The following BAIAP2 variants were observed in gnomAD, a reference collection of about 807,000 sequenced individuals.
BAIAP2 encodes BAR/IMD domain containing adaptor protein 2.
In BAIAP2, 18 loss-of-function variants were observed where a neutral mutation model predicts 63.0. The observed-to-expected ratio is 0.29, with a 90% CI of 0.20 to 0.42. BAIAP2 has a LOEUF of 0.42. BAIAP2 is among the 10% of genes least tolerant of loss of function. The probability of loss-of-function intolerance (pLI) is 1.00; values close to 1 mark genes in which losing one functional copy is unlikely to be tolerated. For synonymous variants in BAIAP2, 386 were observed against 307.6 expected (o/e 1.25, Z -2.67); for missense variants, 610 against 734.3 (o/e 0.83, Z 1.96).
At chr17:81,062,441 A>G (rs1443807872) in intron 3 of BAIAP2, among the ~76,000 whole-genome samples, 1 of 151,532 alleles carries the variant, frequency 6.6e-6, no homozygotes, top group Non-Finnish European at 1.5e-5. Context: ...GGTTCGCTTC[A>G]TTTTCAATGC....
At chr17:81,086,623 G>A in intron 6 of BAIAP2, 43 bp downstream of exon 6, 6 of 1,608,880 alleles carry the variant, frequency 3.7e-6, no homozygotes, top group Non-Finnish European at 4.2e-6. Flanking sequence ...CTGCCACCTT[G>A]GGACTGCTCA....
chr17:81,069,094 TG>T (rs2052065410), intron 3 of BAIAP2, among the ~76,000 whole-genome samples: 1 of 152,192 alleles, frequency 6.6e-6, no homozygotes, highest in Non-Finnish European at 1.5e-5. Flanking sequence ...GTCCCCACTG[TG>T]CTTGTTTGTT....
chr17:81,038,051 C>T (rs1387517895), intron 1 of BAIAP2, among the ~76,000 whole-genome samples: 1 of 152,226 alleles, frequency 6.6e-6, no homozygotes, highest in East Asian at 1.9e-4. Context: ...TCTGGGGGCA[C>T]TGCGTGGGCT....
In BAIAP2 at chr17:81,035,291, A is replaced by T; in HGVS notation, c.37A>T (p.Thr13Ser). 1 of 1,510,562 alleles carries T rather than the reference A, an allele frequency of 6.6e-7. No individual in the cohort carries two copies. Among genetic ancestry groups the T allele is most frequent in the Non-Finnish European group, 8.9e-7 (1 of 1,124,884 alleles). 93.6% of individuals were successfully genotyped at this position (1,510,562 alleles called of 1,614,324 possible). ...TCGCTCAGAGGAGATGCACCGGCTC[A>T]CGGAAAATGTCTATAAGGTGAGCGC... is the stretch of plus-strand genomic sequence containing the variant. ...LSRSEEMHRL[T>S]ENVYKTIMEQ... Residue 13 changes from threonine (T) to serine (S), a missense_variant, in exon 1 of 14, where the codon ACG becomes TCG. By Grantham distance (58) the Thr-to-Ser change is moderately conservative. This residue lies in a region of BAIAP2 where 389 missense variants were observed against 455.6 expected (regional missense o/e 0.85). Coordinates refer to ENST00000428708, the MANE Select transcript of BAIAP2 (RefSeq NM_001144888.2).
rs2046333660 is a variant in BAIAP2 at position 81,036,791 on chromosome 17, C to G, written c.54+1483C>G. 3.1e-6 allele frequency: 4 copies of G among 1,307,984 alleles called. No individual in the cohort carries two copies. The Admixed American group carries it at 6.0e-5, about 20-fold the overall frequency. 81.0% of individuals were successfully genotyped at this position (1,307,984 alleles called of 1,614,324 possible). A position where few individuals can be genotyped will look rare whatever the true frequency, so the allele number is the denominator to read the frequency against. The stretch of plus-strand genomic sequence containing the variant: ...CTGGCCTTGTTGCTCTGTGGAAGCA[C>G]ATGTTGTCAAGGGAGGGAGGTTTAT... On this transcript the variant is annotated intron_variant, in intron 1 of 13. Transcript: ENST00000428708.
At chr17:81,074,428 G>T (rs996758526) in intron 3 of BAIAP2, among the ~76,000 whole-genome samples, 4 of 113,620 alleles carry the variant, frequency 3.5e-5, no homozygotes, top group Non-Finnish European at 8.1e-5. Flanking sequence ...GTGAGTACGT[G>T]TGTGTATGCA....
chr17:81,106,809 C>T lies in BAIAP2; in HGVS notation c.1402C>T (p.Pro468Ser). ...GGACAAGGACGACCTGGCCATCCCA[C>T]CCCCCGATTACGGCGCCGCCTCCCG... ...LLDKDDLAIP[P>S]PDYGAASRAF... The change falls in exon 12 of 14, where the codon CCC (proline) becomes TCC (serine). Residue 468 changes from proline to serine, a missense_variant. Physicochemically the swap from Pro to Ser is moderately conservative, Grantham distance 74. Around this residue, in one of 5 missense-constraint regions of BAIAP2, gnomAD observed 114 missense variants for 98.2 expected, o/e 1.16. Transcript: ENST00000428708. 1.2e-6 allele frequency: 2 copies of T among 1,612,332 alleles called. No individual in the cohort carries two copies. The highest frequency in any genetic ancestry group is 1.7e-6 in the Non-Finnish European group (2 of 1,179,676).
intron 1 of BAIAP2, among the ~76,000 whole-genome samples, chr17:81,050,852 C>T (rs961484566): frequency 6.6e-6 from 1 of 150,922 alleles, no homozygotes; most frequent in African/African-American, 2.4e-5. Flanking sequence ...ATCCTCCTCA[C>T]TTGGCTGATG....
chr17:81,075,829 C>G (rs1372541402), intron 3 of BAIAP2, among the ~76,000 whole-genome samples: 1 of 152,240 alleles, frequency 6.6e-6, no homozygotes, highest in Non-Finnish European at 1.5e-5. Flanking sequence ...CCAGCCTTTG[C>G]ACTGGCCAGC....
chr17:81,069,036 C>G (rs11649702), intron 3 of BAIAP2, among the ~76,000 whole-genome samples: 1 of 151,956 alleles, frequency 6.6e-6, no homozygotes, highest in African/African-American at 2.4e-5. Context: ...CAGGGGTGAT[C>G]CCGGTGGCAG....
intron 3 of BAIAP2, among the ~76,000 whole-genome samples, chr17:81,067,545 C>A (rs753684742): frequency 1.3e-5 from 2 of 151,156 alleles, no homozygotes; most frequent in Admixed American, 6.6e-5. Flanking sequence ...GTTGCAGCCG[C>A]GGCAGCCAAG....
intron 7 of BAIAP2, among the ~76,000 whole-genome samples, chr17:81,102,582 G>A (rs1384934958): frequency 6.6e-6 from 1 of 152,206 alleles, no homozygotes; most frequent in Admixed American, 6.5e-5. Flanking sequence ...GCCAGCCCTC[G>A]GGCTGTGGTT....
At chr17:81,079,724 C>G (rs1176057704) in intron 3 of BAIAP2, among the ~76,000 whole-genome samples, 1 of 152,254 alleles carries the variant, frequency 6.6e-6, no homozygotes, top group Non-Finnish European at 1.5e-5. Flanking sequence ...CCGGTCTGTT[C>G]TGGCTCATGT....
At chr17:81,098,232 C>G in intron 6 of BAIAP2, 1 of 1,283,648 alleles carries the variant, frequency 7.8e-7, no homozygotes, top group Non-Finnish European at 9.9e-7. Flanking sequence ...CATGGGCAGG[C>G]TGGGAGGCGC....
chr17:81,113,460 C>T (rs1267367572), intron 13 of BAIAP2, among the ~76,000 whole-genome samples: 2 of 152,248 alleles, frequency 1.3e-5, no homozygotes, highest in Non-Finnish European at 2.9e-5. Context: ...TAGGCCCCCA[C>T]TCAGCACAGC....
chr17:81,109,267 C>T, intron 13 of BAIAP2: 17 of 1,314,016 alleles, frequency 1.3e-5, no homozygotes, highest in Non-Finnish European at 1.6e-5. Flanking sequence ...ACCTGCTGGG[C>T]CGTGCGGGGC....
chr17:81,095,979 C>T (rs1435715768), intron 6 of BAIAP2, among the ~76,000 whole-genome samples: 1 of 152,130 alleles, frequency 6.6e-6, no homozygotes, highest in East Asian at 1.9e-4. Context: ...ACCCAGAAAC[C>T]GCCTGTAGGG....
In BAIAP2 at chr17:81,106,662, C is replaced by G; in HGVS notation, c.1338-83C>G. ...GCATGTGGCGTGGGCTAGGTGAGGG[C>G]GGGCAGTCCAGGGAGCCACAGGGTT... On this transcript the variant is annotated intron_variant, in intron 11 of 13. Coordinates refer to ENST00000428708, the MANE Select transcript of BAIAP2 (RefSeq NM_001144888.2). The G allele has an allele frequency of 2.0e-6, 3 of 1,532,212 alleles. No homozygotes were observed. The East Asian group carries it at 6.8e-5, about 35-fold the overall frequency. 94.9% of individuals were successfully genotyped at this position (1,532,212 alleles called of 1,614,324 possible).
chr17:81,086,867 T>C, intron 6 of BAIAP2: 1 of 330,528 alleles, frequency 3.0e-6, no homozygotes, highest in Non-Finnish European at 5.6e-6. Flanking sequence ...CCCTCTGTTC[T>C]CCCCATCCCT....
Sources: allele counts gnomAD v4.1 joint callset (sites outside exome capture counted in the v4.1 genomes callset), GRCh38; gene constraint gnomAD v4.1.1; regional missense constraint gnomAD v4.1.1; transcripts MANE v1.5; gene names NCBI Gene and HGNC (gene_info 2026-07-23, HGNC 2026-07-21).